PDK1: variants seen among roughly 807,000 people sequenced by gnomAD.
PDK1 encodes pyruvate dehydrogenase kinase 1, also known as [Pyruvate dehydrogenase (acetyl-transferring)] kinase isozyme 1, mitochondrial.
PDK1 carries 39 observed loss-of-function variants against 54.2 expected under a neutral mutation model. That is an observed-to-expected ratio of 0.72 (90% CI 0.56 to 0.94). The LOEUF is 0.94. Ranked by LOEUF, PDK1 falls within the 40% of genes least tolerant of loss-of-function variation. The probability of loss-of-function intolerance (pLI) is 0.00; values close to 1 mark genes in which losing one functional copy is unlikely to be tolerated. For synonymous variants in PDK1, 221 were observed against 207.1 expected (o/e 1.07, Z -0.58); for missense variants, 552 against 566.0 (o/e 0.98, Z 0.25).
At chr2:172,574,268 CAGT>C (rs1465681228) in intron 8 of PDK1, among the ~76,000 whole-genome samples, 1 of 152,194 alleles carries the variant, frequency 6.6e-6, no homozygotes, top group Non-Finnish European at 1.5e-5. Flanking sequence ...TCTGGATTTT[CAGT>C]TCTATTTCAT....
At chr2:172,694,092 C>T in the PDK1 span, among the ~76,000 whole-genome samples, 4 of 152,198 alleles carry the variant, frequency 2.6e-5, no homozygotes, top group South Asian at 8.3e-4. Context: ...AGGCATGGGG[C>T]CGGGAGACAG....
downstream of PDK1, among the ~76,000 whole-genome samples, chr2:172,613,098 C>T (rs1691513609): frequency 2.6e-5 from 4 of 152,166 alleles, no homozygotes; most frequent in Admixed American, 1.3e-4. Context: ...GTGGAGGAAG[C>T]AGTACTGGGC....
At chr2:172,643,353 C>T in the PDK1 span, among the ~76,000 whole-genome samples, 5 of 152,174 alleles carry the variant, frequency 3.3e-5, no homozygotes, top group African/African-American at 1.2e-4. Flanking sequence ...AACGCCCACA[C>T]GTTCAAAGTT....
At chr2:172,582,236 T>G (rs904371517) in intron 8 of PDK1, among the ~76,000 whole-genome samples, 1 of 152,210 alleles carries the variant, frequency 6.6e-6, no homozygotes, top group Non-Finnish European at 1.5e-5. Flanking sequence ...AAATTAAAAC[T>G]TAAATGTCTT....
chr2:172,640,412 A>G, the PDK1 span, among the ~76,000 whole-genome samples: 1 of 152,204 alleles, frequency 6.6e-6, no homozygotes, highest in African/African-American at 2.4e-5. Flanking sequence ...AAACTGCCTG[A>G]GAACTCAGCC....
chr2:172,564,176 T>C, intron 3 of PDK1: 1 of 484,078 alleles, frequency 2.1e-6, no homozygotes, highest in Non-Finnish European at 4.1e-6. Flanking sequence ...TGGAATACCA[T>C]CCTCTTAGCC....
Position 172,603,439 on chromosome 2 carries a change from T to C in PDK1, c.*7470T>C, listed in dbSNP as rs1691181167. ...AGTGGAAATCCTGATAATTGGCTAATGCAAGGAAGTGATACCCATGTGTAA... is the reference window on the plus strand; with the variant it reads ...AGTGGAAATCCTGATAATTGGCTAACGCAAGGAAGTGATACCCATGTGTAA... On this transcript the variant is annotated 3_prime_UTR_variant, in exon 11 of 11. Transcript: ENST00000282077. 2 of 152,220 alleles carry C rather than the reference T, an allele frequency of 1.3e-5. No individual in the cohort carries two copies. Among genetic ancestry groups the C allele is most frequent in the Non-Finnish European group, 2.9e-5 (2 of 68,038 alleles). 9.4% of individuals were successfully genotyped at this position (152,220 alleles called of 1,614,324 possible).
At chr2:172,571,972 C>G (rs1689294989) in intron 8 of PDK1, among the ~76,000 whole-genome samples, 1 of 151,644 alleles carries the variant, frequency 6.6e-6, no homozygotes, top group Non-Finnish European at 1.5e-5. Context: ...GCTGGGATAA[C>G]AGGCACCCGC....
the PDK1 span, among the ~76,000 whole-genome samples, chr2:172,722,292 T>A: frequency 6.6e-6 from 1 of 152,252 alleles, no homozygotes; most frequent in Non-Finnish European, 1.5e-5. Flanking sequence ...GTTCCAGCTC[T>A]TAGAGATATT....
chr2:172,616,347 T>C, the PDK1 span, among the ~76,000 whole-genome samples: 3 of 152,194 alleles, frequency 2.0e-5, no homozygotes, highest in Non-Finnish European at 4.4e-5. Flanking sequence ...AGTTTTGATA[T>C]ATTTATCCAG....
At chr2:172,609,256 T>C (rs567761634), downstream of PDK1, among the ~76,000 whole-genome samples, 3 of 152,292 alleles carry the variant, frequency 2.0e-5, no homozygotes, top group East Asian at 5.8e-4. Flanking sequence ...CACATTCTAA[T>C]TGGAGATTGT....
the PDK1 span, among the ~76,000 whole-genome samples, chr2:172,620,987 T>G: frequency 6.6e-6 from 1 of 152,108 alleles, no homozygotes; most frequent in Non-Finnish European, 1.5e-5. Context: ...TTCTGATGAT[T>G]AGAACATGTC....
downstream of PDK1, among the ~76,000 whole-genome samples, chr2:172,611,212 A>G (rs1327159530): frequency 1.3e-5 from 2 of 152,206 alleles, no homozygotes; most frequent in Non-Finnish European, 2.9e-5. Context: ...TTTGCATTCT[A>G]TCAACTTCTC....
At chr2:172,694,306 G>C in the PDK1 span, among the ~76,000 whole-genome samples, 1 of 152,274 alleles carries the variant, frequency 6.6e-6, no homozygotes, top group South Asian at 2.1e-4. Context: ...TAAGAGTGTA[G>C]CCTTCCTTTT....
At chr2:172,637,986 C>T in the PDK1 span, among the ~76,000 whole-genome samples, 1 of 152,164 alleles carries the variant, frequency 6.6e-6, no homozygotes, top group Non-Finnish European at 1.5e-5. Context: ...TGAGCCACTG[C>T]ACCCAGCCTG....
At chr2:172,576,858 T>C (rs981207256) in intron 8 of PDK1, among the ~76,000 whole-genome samples, 1 of 152,190 alleles carries the variant, frequency 6.6e-6, no homozygotes, top group African/African-American at 2.4e-5. Context: ...CTATTGAGAT[T>C]TGTTTTACAG....
chr2:172,583,279 TG>T (rs1458469365), intron 8 of PDK1, among the ~76,000 whole-genome samples: 29 of 140,394 alleles, frequency 2.1e-4, no homozygotes, highest in South Asian at 6.8e-4. Flanking sequence ...AAAAGTTTTC[TG>T]GTTTTTTTTT....
At chr2:172,674,557 C>T in the PDK1 span, 1 of 152,374 alleles carries the variant, frequency 6.6e-6, no homozygotes, top group Non-Finnish European at 1.5e-5. Flanking sequence ...GCACCACAGG[C>T]AATTGTGTCC....
chr2:172,556,656 G>T lies in PDK1; in HGVS notation c.196+310G>T, dbSNP rs1193055113. ...CGCGCTAGGCCAGGCCCCTTCCAAGGAGTCGGACCCGGGTGGGAGGCCGAG... is the reference window on the plus strand; with the variant it reads ...CGCGCTAGGCCAGGCCCCTTCCAAGTAGTCGGACCCGGGTGGGAGGCCGAG... On this transcript the variant is annotated intron_variant, in intron 1 of 10. Coordinates refer to ENST00000282077, the MANE Select transcript of PDK1 (RefSeq NM_002610.5). The T allele has an allele frequency of 2.3e-5, 6 of 264,442 alleles. No homozygotes were observed. In the East Asian group the frequency reaches 3.5e-4, roughly 15 times the overall value. The allele number at this position is 264,442 out of a possible 1,614,324, so 16.4% of individuals were successfully genotyped here.
Sources: allele counts gnomAD v4.1 joint callset (sites outside exome capture counted in the v4.1 genomes callset), GRCh38; gene constraint gnomAD v4.1.1; transcripts MANE v1.5; gene names NCBI Gene and HGNC (gene_info 2026-07-23, HGNC 2026-07-21).